Variants in C12orf54 observed in about 807,000 individuals in gnomAD.
The protein encoded by C12orf54 is uncharacterized protein C12orf54.
C12orf54 carries 24 observed loss-of-function variants against 26.4 expected under a neutral mutation model. That is an observed-to-expected ratio of 0.91 (90% CI 0.66 to 1.28). The LOEUF is 1.28. Among genes scored for constraint, C12orf54 ranks in the 50% most tolerant of loss-of-function variants. The pLI is 0.00. For synonymous variants in C12orf54, 54 were observed against 47.0 expected (o/e 1.15, Z -0.61); for missense variants, 154 against 150.9 (o/e 1.02, Z -0.11).
chr12:48,414,339 G>C, the C12orf54 span, among the ~76,000 whole-genome samples: 20 of 152,246 alleles, frequency 1.3e-4, no homozygotes, highest in Non-Finnish European at 2.5e-4. Flanking sequence ...AATGATGTGG[G>C]GTGCTCAAAG....
chr12:48,488,621 T>G (rs1937712983), intron 4 of C12orf54: 2 of 416,556 alleles, frequency 4.8e-6, no homozygotes, highest in African/African-American at 2.0e-5. Flanking sequence ...TAAGAACCAA[T>G]TAGACCGAAA....
chr12:48,476,013 A>T, the C12orf54 span, among the ~76,000 whole-genome samples: 1 of 151,974 alleles, frequency 6.6e-6, no homozygotes, highest in East Asian at 1.9e-4. Flanking sequence ...TGGGTTACCC[A>T]CAAAGGGAAG....
At chr12:48,453,919 A>T in the C12orf54 span, among the ~76,000 whole-genome samples, 1 of 152,052 alleles carries the variant, frequency 6.6e-6, no homozygotes, top group Non-Finnish European at 1.5e-5. Flanking sequence ...CCAAACTGAA[A>T]AAAGAAGTGC....
upstream of C12orf54, among the ~76,000 whole-genome samples, chr12:48,479,037 A>G (rs896240960): frequency 3.3e-5 from 5 of 152,224 alleles, no homozygotes; most frequent in African/African-American, 1.2e-4. Context: ...ATTAAAAATC[A>G]TGCTGCTATA....
At chr12:48,449,257 C>A in the C12orf54 span, among the ~76,000 whole-genome samples, 663 of 152,286 alleles carry the variant, frequency 4.4e-3, 4 homozygotes, top group African/African-American at 0.015. Flanking sequence ...AAAGATCTAG[C>A]TATTATCTAT....
chr12:48,463,545 G>A, the C12orf54 span, among the ~76,000 whole-genome samples: 2 of 151,210 alleles, frequency 1.3e-5, no homozygotes, highest in Non-Finnish European at 3.0e-5. Context: ...TGAGGAGGAG[G>A]GACTCCTCTC....
chr12:48,474,045 C>T, the C12orf54 span, among the ~76,000 whole-genome samples: 92 of 152,170 alleles, frequency 6.0e-4, no homozygotes, highest in African/African-American at 2.2e-3. Flanking sequence ...AGCCAGAGAG[C>T]TGAAAATGGC....
chr12:48,486,218 G>A lies in C12orf54; in HGVS notation c.96+10G>A. 6.2e-7 allele frequency: 1 copy of A among 1,608,752 alleles called. No homozygotes were observed. Among genetic ancestry groups the A allele is most frequent in the Non-Finnish European group, 8.5e-7 (1 of 1,175,236 alleles). On this transcript the variant is annotated intron_variant, in intron 3 of 8. Coordinates refer to ENST00000548364, the MANE Select transcript of C12orf54 (RefSeq NM_152319.4). ...GACAATGAGACCACAGGTGGGTAAGGTATCCAAATTCTCTGGATCCTCTGG... is the reference window on the plus strand; with the variant it reads ...GACAATGAGACCACAGGTGGGTAAGATATCCAAATTCTCTGGATCCTCTGG...
chr12:48,483,355 A>G lies in C12orf54; in HGVS notation c.59A>G (p.Gln20Arg). The change falls in exon 2 of 9, where the codon CAG (glutamine) becomes CGG (arginine). Residue 20 changes from glutamine (Q) to arginine (R), a missense_variant. By Grantham distance (43) the Gln-to-Arg change is conservative. Transcript: ENST00000548364. Reference sequence around the variant, plus strand: ...AAGGTAGAAATGACCTCCAAGCAGCAGAGAAGGTAATGGGGCTAATGATGA... The same window carrying G: ...AAGGTAGAAATGACCTCCAAGCAGCGGAGAAGGTAATGGGGCTAATGATGA... Reference protein sequence around the residue: ...EQKVEMTSKQQRSTSIEETMR... With the variant: ...EQKVEMTSKQRRSTSIEETMR... 6.2e-7 allele frequency: 1 copy of G among 1,613,832 alleles called. No individual in the cohort carries two copies. The highest frequency in any genetic ancestry group is 1.7e-4 in the Middle Eastern group (1 of 6,060).
chr12:48,473,574 G>C, the C12orf54 span: 2 of 302,116 alleles, frequency 6.6e-6, no homozygotes, highest in Non-Finnish European at 1.3e-5. Flanking sequence ...TGTGAGGGAA[G>C]GGAGGGGAGG....
upstream of C12orf54, among the ~76,000 whole-genome samples, chr12:48,480,598 A>G (rs1459031760): frequency 1.3e-5 from 2 of 152,208 alleles, no homozygotes; most frequent in African/African-American, 2.4e-5. Context: ...TGGCTTATAC[A>G]CTGCTGGTGG....
the C12orf54 span, among the ~76,000 whole-genome samples, chr12:48,439,010 A>T: frequency 6.6e-6 from 1 of 152,338 alleles, no homozygotes; most frequent in Non-Finnish European, 1.5e-5. Flanking sequence ...TACTCATCTG[A>T]CAAAGGGCTG....
chr12:48,448,147 T>C, the C12orf54 span, among the ~76,000 whole-genome samples: 2 of 152,186 alleles, frequency 1.3e-5, no homozygotes, highest in African/African-American at 4.8e-5. Flanking sequence ...TGTTTAGGCT[T>C]GGTGAGACTC....
At chr12:48,430,527 A>G in the C12orf54 span, among the ~76,000 whole-genome samples, 1 of 152,202 alleles carries the variant, frequency 6.6e-6, no homozygotes. Flanking sequence ...AGATATACAA[A>G]TGGCCAAAAA....
the C12orf54 span, among the ~76,000 whole-genome samples, chr12:48,443,270 G>A: frequency 6.6e-6 from 1 of 152,126 alleles, no homozygotes; most frequent in South Asian, 2.1e-4. Flanking sequence ...TGATCTAATA[G>A]GGAGAGATTG....
chr12:48,476,830 A>G, the C12orf54 span, among the ~76,000 whole-genome samples: 39 of 152,344 alleles, frequency 2.6e-4, no homozygotes, highest in Admixed American at 5.9e-4. Flanking sequence ...AACATTAGAC[A>G]GATCAATGAG....
chr12:48,486,058 C>T (rs1434598221), intron 2 of C12orf54, 120 bp from the exon 3 acceptor site: 11 of 1,004,974 alleles, frequency 1.1e-5, no homozygotes, highest in Non-Finnish European at 1.7e-5. Context: ...GCTACCCTTC[C>T]TGGATTTTTA....
At chr12:48,435,366 A>G in the C12orf54 span, among the ~76,000 whole-genome samples, 1 of 152,246 alleles carries the variant, frequency 6.6e-6, no homozygotes, top group Non-Finnish European at 1.5e-5. Flanking sequence ...AACTTCCCCA[A>G]TCTAGCAAGG....
the C12orf54 span, among the ~76,000 whole-genome samples, chr12:48,423,274 A>G: frequency 1.3e-5 from 2 of 152,176 alleles, no homozygotes; most frequent in African/African-American, 4.8e-5. Flanking sequence ...TTGACTATAT[A>G]AAATTAAAAT....
Sources: gnomAD v4.1 joint callset for allele counts (sites outside exome capture counted in the v4.1 genomes callset) on GRCh38, gnomAD v4.1.1 for gene constraint, MANE v1.5 for transcripts, NCBI Gene and HGNC (gene_info 2026-07-23, HGNC 2026-07-21) for gene names.